CMTM8: variants seen among roughly 807,000 people sequenced by gnomAD.
CMTM8 encodes CKLF like MARVEL transmembrane domain containing 8.
A neutral mutation model predicts 18.6 loss-of-function variants in CMTM8; 12 were observed. The ratio of observed to expected loss-of-function variants is 0.65; its 90% confidence interval spans 0.41 to 1.05. The LOEUF (loss-of-function observed/expected upper bound fraction) is 1.05, where lower values mean the gene tolerates loss of function less well. CMTM8 is among the 50% of genes least tolerant of loss of function. The pLI, the probability that CMTM8 is intolerant of heterozygous loss-of-function variation, is 0.00. For missense variants in CMTM8, 217 were observed against 227.2 expected (o/e 0.95, Z 0.29); for synonymous variants, 87 against 90.6 (o/e 0.96, Z 0.23).
chr3:32,336,812 T>G (rs1458694078), intron 1 of CMTM8, among the ~76,000 whole-genome samples: 1 of 143,856 alleles, frequency 7.0e-6, no homozygotes, highest in Non-Finnish European at 1.6e-5. Context: ...TGCCTTTTAT[T>G]CCCCCATGCT....
intron 1 of CMTM8, among the ~76,000 whole-genome samples, chr3:32,328,673 TA>T (rs1298866321): frequency 6.6e-6 from 1 of 151,764 alleles, no homozygotes; most frequent in African/African-American, 2.4e-5. Context: ...AAGACATTGC[TA>T]AAAAAAGTCA....
In CMTM8 at chr3:32,242,728, G is replaced by A. The variant is rs145182998; in HGVS notation, c.147+3609G>A. 1.5e-3 allele frequency among the ~76,000 whole-genome samples: 230 copies of A among 152,300 alleles called. 1 individual carries two copies. Among genetic ancestry groups the A allele is most frequent in the Non-Finnish European group, 2.9e-3 (199 of 68,026 alleles). On this transcript the variant is annotated intron_variant, in intron 1 of 3. Transcript: ENST00000307526. Reference sequence around the variant, plus strand: ...CAGAGATCTAAAATATCACAATGATGTGCCTTCATATGAGTGTGTTTTCTC... The same window carrying A: ...CAGAGATCTAAAATATCACAATGATATGCCTTCATATGAGTGTGTTTTCTC...
intron 1 of CMTM8, among the ~76,000 whole-genome samples, chr3:32,283,492 C>T (rs1470895290): frequency 6.6e-6 from 1 of 152,174 alleles, no homozygotes; most frequent in Non-Finnish European, 1.5e-5. Flanking sequence ...GAGTTAGCTT[C>T]CTTCCCCATG....
intron 2 of CMTM8, among the ~76,000 whole-genome samples, chr3:32,367,040 C>T (rs1297530252): frequency 6.6e-6 from 1 of 152,172 alleles, no homozygotes; most frequent in Non-Finnish European, 1.5e-5. Flanking sequence ...TCCCTTTCCC[C>T]TACCCCTTCC....
At chr3:32,302,564 T>A (rs186857927) in intron 1 of CMTM8, among the ~76,000 whole-genome samples, 22 of 152,200 alleles carry the variant, frequency 1.4e-4, no homozygotes, top group African/African-American at 5.3e-4. Context: ...GGAACAGTGG[T>A]GAGACAGATG....
chr3:32,317,134 A>G (rs1464914653), intron 1 of CMTM8, among the ~76,000 whole-genome samples: 4 of 152,186 alleles, frequency 2.6e-5, no homozygotes, highest in Admixed American at 2.6e-4. Flanking sequence ...ACAGGGACTC[A>G]TATCTGTGCT....
intron 1 of CMTM8, among the ~76,000 whole-genome samples, 157 bp from the exon 2 acceptor site, chr3:32,357,216 C>G (rs1195558801): frequency 6.6e-6 from 1 of 152,100 alleles, no homozygotes; most frequent in Non-Finnish European, 1.5e-5. Flanking sequence ...GGCACTCTAG[C>G]CTGGGCGACG....
chr3:32,337,543 G>A (rs1338624705), intron 1 of CMTM8, among the ~76,000 whole-genome samples: 1 of 152,216 alleles, frequency 6.6e-6, no homozygotes, highest in Non-Finnish European at 1.5e-5. Context: ...TTCTTTGTGA[G>A]TCCTGAGAAG....
chr3:32,334,224 C>T (rs552454385), intron 1 of CMTM8, among the ~76,000 whole-genome samples: 4 of 151,992 alleles, frequency 2.6e-5, no homozygotes, highest in South Asian at 2.1e-4. Context: ...GTGATCCACC[C>T]GCCTCTGCCT....
chr3:32,309,300 ATTT>A (rs4038996), intron 1 of CMTM8, among the ~76,000 whole-genome samples: 10,464 of 96,010 alleles, frequency 0.11, 583 homozygotes, highest in East Asian at 0.42. Flanking sequence ...CAATTTACCA[ATTT>A]TTTTTTTTTT....
intron 1 of CMTM8, among the ~76,000 whole-genome samples, chr3:32,276,048 A>C (rs527853286): frequency 7.4e-4 from 113 of 152,256 alleles, no homozygotes; most frequent in Non-Finnish European, 1.4e-3. Context: ...GGTGTCCGTA[A>C]GAAGCTCACT....
intron 1 of CMTM8, among the ~76,000 whole-genome samples, chr3:32,279,229 C>T (rs1384676066): frequency 1.4e-5 from 2 of 145,198 alleles, no homozygotes; most frequent in African/African-American, 5.2e-5. Context: ...GCACATTGTG[C>T]AGGTTAGTTA....
At chr3:32,282,492 AT>A (rs200183625) in intron 1 of CMTM8, among the ~76,000 whole-genome samples, 4,314 of 152,250 alleles carry the variant, frequency 0.028, 76 homozygotes, top group Non-Finnish European at 0.044. Flanking sequence ...AATTAAAAAA[AT>A]ATATACCCAG....
intron 1 of CMTM8, among the ~76,000 whole-genome samples, chr3:32,249,030 C>CTTTTTTTTTTTTTTT (rs58156524): frequency 1.6e-5 from 1 of 62,464 alleles, no homozygotes; most frequent in Non-Finnish European, 2.7e-5. Flanking sequence ...AATGTGGAAT[C>CTTTTTTTTTTTTTTT]TTTTTTTTTT....
intron 1 of CMTM8, among the ~76,000 whole-genome samples, chr3:32,350,443 C>T (rs774874305): frequency 3.3e-5 from 5 of 151,024 alleles, no homozygotes; most frequent in Admixed American, 6.6e-5. Flanking sequence ...CTGCAACCTC[C>T]GCCTGCCAGG....
chr3:32,363,679 T>C (rs1696977224), intron 2 of CMTM8, among the ~76,000 whole-genome samples: 2 of 152,230 alleles, frequency 1.3e-5, no homozygotes, highest in Non-Finnish European at 2.9e-5. Context: ...GCAGCCCTTC[T>C]TCTAGTTGCT....
At chr3:32,365,303 G>GAAAAA (rs71630518) in intron 2 of CMTM8, among the ~76,000 whole-genome samples, 3 of 144,670 alleles carry the variant, frequency 2.1e-5, no homozygotes, top group Non-Finnish European at 4.5e-5. Flanking sequence ...CGGTATTTGA[G>GAAAAA]AAAAAAAAAA....
At chr3:32,347,304 T>TTTTTTTTTTTTTTTTTTTTTTGTG (rs1696618047) in intron 1 of CMTM8, among the ~76,000 whole-genome samples, 1 of 151,126 alleles carries the variant, frequency 6.6e-6, no homozygotes, top group African/African-American at 2.4e-5. Context: ...TAGGTTTTTT[T>TTTTTTTTTTTTTTTTTTTTTTGTG]TTTTTGGCGT....
chr3:32,248,489 G>A (rs1204504885), intron 1 of CMTM8, among the ~76,000 whole-genome samples: 2 of 152,070 alleles, frequency 1.3e-5, no homozygotes, highest in East Asian at 1.9e-4. Context: ...AGCCTCCTGA[G>A]TAGCTGGGAT....
Sources: allele counts gnomAD v4.1 joint callset (sites outside exome capture counted in the v4.1 genomes callset), GRCh38; gene constraint gnomAD v4.1.1; transcripts MANE v1.5; gene names NCBI Gene and HGNC (gene_info 2026-07-23, HGNC 2026-07-21).